RBFOX1: variants seen among roughly 807,000 people sequenced by gnomAD.
RBFOX1 encodes RNA binding fox-1 homolog 1, also known as RNA binding protein fox-1 homolog 1.
Under a neutral mutation model 57.7 loss-of-function variants are expected in RBFOX1, and 8 were observed. The ratio of observed to expected loss-of-function variants is 0.14; its 90% CI spans 0.08 to 0.25. The LOEUF (loss-of-function observed/expected upper bound fraction) is 0.25, where lower values mean the gene tolerates loss of function less well. Among genes scored for constraint, RBFOX1 ranks in the 10% least tolerant of loss-of-function variants. The probability of loss-of-function intolerance (pLI) is 1.00; values close to 1 mark genes in which losing one functional copy is unlikely to be tolerated. For synonymous variants in RBFOX1, 326 were observed against 222.4 expected (o/e 1.47, Z -4.15); for missense variants, 611 against 548.5 (o/e 1.11, Z -1.14).
chr16:7,124,557 C>G (rs889046592), intron 4 of RBFOX1, among the ~76,000 whole-genome samples: 1 of 131,880 alleles, frequency 7.6e-6, no homozygotes, highest in Admixed American at 7.8e-5. Flanking sequence ...CTCCCTCCCT[C>G]CCTCCCTTCC....
At chr16:6,854,693 C>G (rs535746116) in intron 3 of RBFOX1, among the ~76,000 whole-genome samples, 1 of 144,728 alleles carries the variant, frequency 6.9e-6, no homozygotes, top group African/African-American at 2.6e-5. Context: ...CTCCTGGGTT[C>G]AAGTCGTTCT....
chr16:5,543,659 A>C (rs906978926), intron 2 of RBFOX1, among the ~76,000 whole-genome samples: 3 of 152,212 alleles, frequency 2.0e-5, no homozygotes, highest in Non-Finnish European at 4.4e-5. Context: ...CATTTCATGA[A>C]AATCACAAAC....
intron 2 of RBFOX1, among the ~76,000 whole-genome samples, chr16:5,506,819 C>A (rs914639451): frequency 6.6e-6 from 1 of 152,130 alleles, no homozygotes; most frequent in Non-Finnish European, 1.5e-5. Context: ...GAGCTTCCAC[C>A]TTGGGAGTGG....
In RBFOX1 at chr16:5,970,746, G is replaced by A. The variant is rs140940498; in HGVS notation, c.351+103411G>A. Among the ~76,000 whole-genome samples, 105 of 152,190 alleles carry A rather than the reference G, an allele frequency of 6.9e-4. No homozygotes were observed. In the East Asian group the frequency reaches 0.02, roughly 28 times the overall value. The stretch of plus-strand genomic sequence containing the variant: ...GGACCCTGCGAAATTGACTGAAATG[G>A]CACTGACATCAAAATCATGAAGTCT... On this transcript the variant is annotated intron_variant, in intron 4 of 19. Transcript: ENST00000641259.
intron 2 of RBFOX1, among the ~76,000 whole-genome samples, chr16:6,580,150 G>A (rs912721953): frequency 6.6e-6 from 1 of 151,948 alleles, no homozygotes; most frequent in African/African-American, 2.4e-5. Context: ...GAAGAGACAG[G>A]GTTTCACCAT....
intron 14 of RBFOX1, among the ~76,000 whole-genome samples, chr16:7,704,771 C>G (rs185443177): frequency 2.4e-4 from 37 of 152,256 alleles, no homozygotes; most frequent in Non-Finnish European, 4.9e-4. Flanking sequence ...AGCAGTCAGG[C>G]TGGGTGTGGT....
chr16:7,343,372 T>C (rs191551218), intron 4 of RBFOX1, among the ~76,000 whole-genome samples: 2 of 152,288 alleles, frequency 1.3e-5, no homozygotes, highest in East Asian at 3.9e-4. Flanking sequence ...CCAGAACATC[T>C]GCATCAGAGT....
At chr16:6,426,617 C>A (rs561881739) in intron 2 of RBFOX1, among the ~76,000 whole-genome samples, 2 of 152,040 alleles carry the variant, frequency 1.3e-5, no homozygotes, top group East Asian at 3.9e-4. Context: ...GGCAACAGAA[C>A]GACACCTTGT....
intron 4 of RBFOX1, chr16:7,126,363 C>T (rs779904203): frequency 3.6e-5 from 9 of 251,378 alleles, no homozygotes; most frequent in Non-Finnish European, 8.0e-6. Flanking sequence ...TTTTTGGTCC[C>T]TGTGGGGTTC....
At position 6,749,022 on chromosome 16, in the gene RBFOX1, G is replaced by A. The variant is rs530911718; in HGVS notation, c.-16+94372G>A. On this transcript the variant is annotated intron_variant, in intron 3 of 15. Transcript: ENST00000550418. ...TGAAAGGGAAGAATTAAAAATCATG[G>A]GATTAAATGACAGGAGGAGCCAATC... The A allele has an allele frequency of 2.6e-5, 4 of 152,206 alleles. No individual in the cohort carries two copies. The East Asian group carries it at 5.8e-4, about 22-fold the overall frequency. 9.4% of individuals were successfully genotyped at this position (152,206 alleles called of 1,614,324 possible). A position where few individuals can be genotyped will look rare whatever the true frequency, so the allele number is the denominator to read the frequency against.
chr16:7,650,826 G>C (rs760865827), intron 11 of RBFOX1, among the ~76,000 whole-genome samples: 4 of 152,144 alleles, frequency 2.6e-5, no homozygotes, highest in Non-Finnish European at 4.4e-5. Flanking sequence ...GTTGAACTGT[G>C]GCAAGACAGA....
chr16:5,917,162 C>G (rs1274781696), intron 4 of RBFOX1, among the ~76,000 whole-genome samples: 1 of 152,156 alleles, frequency 6.6e-6, no homozygotes, highest in East Asian at 1.9e-4. Context: ...TTCCTAAGCA[C>G]CACAGGATGC....
At chr16:6,644,540 G>C (rs8060152) in intron 2 of RBFOX1, among the ~76,000 whole-genome samples, 30,291 of 152,100 alleles carry the variant, frequency 0.2, 3,650 homozygotes, top group African/African-American at 0.33. Context: ...GGCTTAAGCT[G>C]TCCTGTATTT....
intron 2 of RBFOX1, among the ~76,000 whole-genome samples, chr16:5,510,854 C>T (rs2043558202): frequency 6.6e-6 from 1 of 152,158 alleles, no homozygotes; most frequent in Admixed American, 6.5e-5. Flanking sequence ...ATCTGACTCT[C>T]TCTGTCCTGA....
intron 3 of RBFOX1, among the ~76,000 whole-genome samples, chr16:5,660,435 T>C (rs1383550086): frequency 6.6e-6 from 1 of 152,210 alleles, no homozygotes; most frequent in Non-Finnish European, 1.5e-5. Flanking sequence ...TACTGTCCTC[T>C]AGATGCTTGT....
At chr16:7,196,501 C>T (rs577443483) in intron 4 of RBFOX1, among the ~76,000 whole-genome samples, 10 of 152,288 alleles carry the variant, frequency 6.6e-5, no homozygotes, top group South Asian at 4.1e-4. Context: ...ATTTAAGAGG[C>T]GTCTACAATG....
intron 4 of RBFOX1, among the ~76,000 whole-genome samples, chr16:7,367,867 C>G (rs941058798): frequency 2.8e-5 from 4 of 144,478 alleles, no homozygotes; most frequent in Non-Finnish European, 4.5e-5. Flanking sequence ...TGCATGAGCA[C>G]GTGCACACAT....
At chr16:5,464,634 C>T (rs959861147) in intron 1 of RBFOX1, among the ~76,000 whole-genome samples, 8 of 151,400 alleles carry the variant, frequency 5.3e-5, no homozygotes, top group African/African-American at 1.5e-4. Flanking sequence ...GACTGTAGGG[C>T]GCCACGAGAG....
chr16:5,560,173 C>T (rs2045840433), intron 2 of RBFOX1, among the ~76,000 whole-genome samples: 4 of 152,196 alleles, frequency 2.6e-5, no homozygotes. Context: ...CCCTTGTGCA[C>T]ACACTTTGTG....
Sources: gnomAD v4.1 joint callset for allele counts (sites outside exome capture counted in the v4.1 genomes callset) on GRCh38, gnomAD v4.1.1 for gene constraint, MANE v1.5 for transcripts, NCBI Gene and HGNC (gene_info 2026-07-23, HGNC 2026-07-21) for gene names.